The following HYDIN variants were observed in gnomAD, a reference collection of about 807,000 sequenced individuals.
The protein encoded by HYDIN is HYDIN axonemal central pair apparatus protein.
A neutral mutation model predicts 403.9 loss-of-function variants in HYDIN; 132 were observed. The observed-to-expected ratio is 0.33, with a 90% CI of 0.28 to 0.38. HYDIN has a LOEUF of 0.38. Ranked by LOEUF, HYDIN falls within the 10% of genes least tolerant of loss-of-function variation. HYDIN has a pLI of 1.00. For synonymous variants in HYDIN, 1,202 were observed against 1,891.7 expected, an observed-to-expected ratio of 0.64 and a Z score of 9.46; for missense variants, 2,827 against 5,009.5, an observed-to-expected ratio of 0.56 and a Z score of 13.15.
rs867799583 is a variant in HYDIN, at chr16:71,052,279, G to A, written c.2529+8225C>T. 4.0e-5 allele frequency among the ~76,000 whole-genome samples: 6 copies of A among 151,758 alleles called. No homozygotes were observed. The East Asian group carries it at 5.9e-4, about 15-fold the overall frequency. ...TAAGCTGTAGCTTTTAAGACAGTAAGGGTAGTGACACTGAGATAGATAAAT... is the reference window on the plus strand; with the variant it reads ...TAAGCTGTAGCTTTTAAGACAGTAAAGGTAGTGACACTGAGATAGATAAAT... On this transcript the variant is annotated intron_variant, in intron 18 of 85. Coordinates refer to ENST00000393567, the MANE Select transcript of HYDIN (RefSeq NM_001270974.2).
At chr16:70,986,703 T>C (rs1272723149) in intron 27 of HYDIN, among the ~76,000 whole-genome samples, 1 of 144,634 alleles carries the variant, frequency 6.9e-6, no homozygotes, top group Non-Finnish European at 1.5e-5. Context: ...AATGGGAAAG[T>C]ATATTATATT....
intron 40 of HYDIN, among the ~76,000 whole-genome samples, chr16:70,953,285 G>C (rs967370340): frequency 6.6e-6 from 1 of 151,794 alleles, no homozygotes; most frequent in Non-Finnish European, 1.5e-5. Flanking sequence ...ATTCTTCCAG[G>C]TGCTGGGACT....
intron 27 of HYDIN, among the ~76,000 whole-genome samples, chr16:70,986,533 T>C (rs952589373): frequency 3.3e-5 from 5 of 152,218 alleles, no homozygotes; most frequent in African/African-American, 9.7e-5. Flanking sequence ...CACACATGCA[T>C]GCACACAATT....
Position 71,152,688 on chromosome 16 carries a change from C to A in HYDIN, c.812G>T (p.Ser271Ile), listed in dbSNP as rs1396820551. ...EFEPQSVGDHSGRLIVCYDTG... is the reference protein window; with the variant it reads ...EFEPQSVGDHIGRLIVCYDTG... ...GTCATAACACACGATAAGTCTTCCA[C>A]TGTGATCGCCCACACTCTGTGGCTC... Residue 271 changes from serine (S) to isoleucine (I), a missense_variant, in exon 7 of 86, where the codon AGT becomes ATT. Coordinates refer to ENST00000393567, the MANE Select transcript of HYDIN (RefSeq NM_001270974.2). 3 of 1,228,036 alleles carry A rather than the reference C, an allele frequency of 2.4e-6. No homozygotes were observed. The highest frequency in any genetic ancestry group is 3.6e-6 in the Non-Finnish European group (3 of 839,370). 76.1% of individuals were successfully genotyped at this position (1,228,036 alleles called of 1,614,324 possible). A position where few individuals can be genotyped will look rare whatever the true frequency, so the allele number is the denominator to read the frequency against.
At chr16:71,176,940 C>T (rs1257608446) in intron 4 of HYDIN, among the ~76,000 whole-genome samples, 2 of 152,140 alleles carry the variant, frequency 1.3e-5, no homozygotes, top group East Asian at 3.9e-4. Flanking sequence ...CAAATCTCTC[C>T]CCATGGTTCT....
intron 14 of HYDIN, among the ~76,000 whole-genome samples, chr16:71,067,766 T>C (rs1193860714): frequency 2.0e-5 from 3 of 152,190 alleles, no homozygotes; most frequent in African/African-American, 7.2e-5. Context: ...AAATGTAATA[T>C]ACTAGTAAAA....
At chr16:71,097,677 G>C (rs1196174644) in intron 10 of HYDIN, among the ~76,000 whole-genome samples, 1 of 144,800 alleles carries the variant, frequency 6.9e-6, no homozygotes, top group Non-Finnish European at 1.5e-5. Context: ...CTCCCCAGCA[G>C]TGGGGATATC....
chr16:71,056,494 G>T (rs2081899665), intron 18 of HYDIN, among the ~76,000 whole-genome samples: 1 of 151,974 alleles, frequency 6.6e-6, no homozygotes, highest in African/African-American at 2.4e-5. Context: ...ATGGAGGTAG[G>T]CTTCGGCTTC....
Position 70,981,413 on chromosome 16 carries a change from G to C in HYDIN, c.4488C>G (p.Leu1496=), listed in dbSNP as rs191482082. 1.9e-6 allele frequency: 3 copies of C among 1,613,474 alleles called. No individual in the cohort carries two copies. In the African/African-American group the frequency reaches 4.0e-5, roughly 22 times the overall value. ...SGEGIFPQIC[L]DLPRNLTANE... is the part of the protein sequence containing the mutation. ...TACCTGTGAGGTTCCTGGGGAGATC[G>C]AGGCAGATTTGGGGAAAGATTCCCT... The change falls in exon 29 of 86, where the codon CTC becomes CTG. Residue 1496 remains leucine (L), a synonymous_variant. Transcript: ENST00000393567.
At chr16:71,028,547 G>A (rs1001981470) in intron 19 of HYDIN, among the ~76,000 whole-genome samples, 1 of 150,794 alleles carries the variant, frequency 6.6e-6, no homozygotes, top group African/African-American at 2.4e-5. Flanking sequence ...TGGTTCAAAT[G>A]TGTTTTTGTT....
intron 5 of HYDIN, among the ~76,000 whole-genome samples, chr16:71,165,222 T>C (rs929233): frequency 0.079 from 11,750 of 148,044 alleles, 1,292 homozygotes; most frequent in African/African-American, 0.24. Context: ...GCCCCCATCG[T>C]TTCTCTGGCC....
intron 5 of HYDIN, among the ~76,000 whole-genome samples, chr16:71,163,583 G>A (rs1443579986): frequency 6.6e-6 from 1 of 152,110 alleles, no homozygotes. Context: ...AGAAGCTTTG[G>A]GTCTACCCAG....
intron 43 of HYDIN, 128 bp downstream of exon 43, chr16:70,941,508 G>C: frequency 1.6e-6 from 1 of 626,518 alleles, no homozygotes; most frequent in Non-Finnish European, 2.5e-6. Flanking sequence ...GGCCACTCGC[G>C]TCCCAGTTCC....
intron 1 of HYDIN, chr16:71,203,685 A>G (rs8062914): frequency 0.013 from 5,752 of 454,872 alleles, 252 homozygotes; most frequent in African/African-American, 0.1. Context: ...AAATTATTCT[A>G]TTCTTATGAA....
At chr16:71,213,969 A>G (rs2088734608) in intron 1 of HYDIN, among the ~76,000 whole-genome samples, 1 of 152,122 alleles carries the variant, frequency 6.6e-6, no homozygotes, top group East Asian at 1.9e-4. Context: ...GACTCAAGGA[A>G]AGGACAAAAC....
chr16:71,187,062 A>G lies in HYDIN; in HGVS notation c.-23-144T>C, dbSNP rs1169241606. 6 of 568,232 alleles carry G rather than the reference A, an allele frequency of 1.1e-5. No homozygotes were observed. The East Asian group carries it at 1.4e-4, about 13-fold the overall frequency. The allele number at this position is 568,232 out of a possible 1,614,324, so 35.2% of individuals were successfully genotyped here. On this transcript the variant is annotated intron_variant, in intron 1 of 85. Coordinates refer to ENST00000393567, the MANE Select transcript of HYDIN (RefSeq NM_001270974.2). The stretch of plus-strand genomic sequence containing the variant: ...CCAAATGCTTGGAACAAATATCTCA[A>G]CAAAGGATTCTATTCCATATAACTA...
At chr16:71,047,884 A>G (rs983202609) in intron 18 of HYDIN, among the ~76,000 whole-genome samples, 1 of 152,132 alleles carries the variant, frequency 6.6e-6, no homozygotes, top group Admixed American at 6.5e-5. Flanking sequence ...AAAATATACA[A>G]TACAATATTG....
chr16:71,218,843 T>C (rs2144752364), intron 1 of HYDIN, among the ~76,000 whole-genome samples: 1 of 152,326 alleles, frequency 6.6e-6, no homozygotes, highest in South Asian at 2.1e-4. Context: ...GCCCCTTTGT[T>C]TCCATCTCCC....
At chr16:71,034,175 T>C (rs2081010207) in intron 18 of HYDIN, among the ~76,000 whole-genome samples, 1 of 152,196 alleles carries the variant, frequency 6.6e-6, no homozygotes, top group African/African-American at 2.4e-5. Context: ...CAAATTTTAC[T>C]ATTTGAGCGG....
Sources: gnomAD v4.1 joint callset for allele counts (sites outside exome capture counted in the v4.1 genomes callset) on GRCh38, gnomAD v4.1.1 for gene constraint, MANE v1.5 for transcripts, NCBI Gene and HGNC (gene_info 2026-07-23, HGNC 2026-07-21) for gene names.